DENND4B: variants seen among roughly 807,000 people sequenced by gnomAD.
DENND4B encodes DENN domain containing 4B.
DENND4B carries 67 observed loss-of-function variants against 161.0 expected under a neutral mutation model. The observed-to-expected ratio is 0.42, with a 90% CI of 0.34 to 0.51. The LOEUF is 0.51. Ranked by LOEUF, DENND4B falls within the 20% of genes least tolerant of loss-of-function variation. DENND4B has a pLI of 0.08. For missense variants in DENND4B, 1,481 were observed against 1,968.0 expected (o/e 0.75, Z 4.68); for synonymous variants, 753 against 813.8 (o/e 0.93, Z 1.27).
intron 13 of DENND4B, among the ~76,000 whole-genome samples, chr1:153,938,390 CAG>C (rs1216000784): frequency 7.2e-6 from 1 of 138,456 alleles, no homozygotes; most frequent in African/African-American, 2.8e-5. Context: ...GCCTGGGAGA[CAG>C]AGCAAAACTA....
intron 1 of DENND4B, among the ~76,000 whole-genome samples, chr1:153,945,962 G>A (rs984215319): frequency 2.0e-5 from 3 of 152,206 alleles, no homozygotes; most frequent in African/African-American, 4.8e-5. Flanking sequence ...GCGCCGAGGG[G>A]GAGGAGGCTG....
rs1679859859 is a variant in DENND4B at position 153,944,451 on chromosome 1, G to A, written c.-23-54C>T. 6.8e-7 allele frequency: 1 copy of A among 1,474,164 alleles called. No homozygotes were observed. The highest frequency in any genetic ancestry group is 9.0e-7 in the Non-Finnish European group (1 of 1,105,214). The allele number at this position is 1,474,164 out of a possible 1,614,324, so 91.3% of individuals were successfully genotyped here. On this transcript the variant is annotated intron_variant, in intron 1 of 27. Transcript: ENST00000361217. The surrounding 1 kb of genome is among the most constrained non-coding windows in gnomAD (Gnocchi z 4.8). ...AGCAAGGAAGGCTGGGGATGCCATG[G>A]CAACCAGGGTACCCTCTTGCTCCCC...
chr1:153,934,067 C>A lies in DENND4B; in HGVS notation c.2941+68G>T. The A allele has an allele frequency of 6.8e-7, 1 of 1,479,290 alleles. No homozygotes were observed. Among genetic ancestry groups the A allele is most frequent in the East Asian group, 2.5e-5 (1 of 40,720 alleles). 91.6% of individuals were successfully genotyped at this position (1,479,290 alleles called of 1,614,324 possible). A position where few individuals can be genotyped will look rare whatever the true frequency, so the allele number is the denominator to read the frequency against. ...GCCCTCCACTCTGTTTCTGGTCTTCCCCACCTCACTAGCAAGTGGTTAGGA... is the reference window on the plus strand; with the variant it reads ...GCCCTCCACTCTGTTTCTGGTCTTCACCACCTCACTAGCAAGTGGTTAGGA... On this transcript the variant is annotated intron_variant, in intron 19 of 27. Transcript: ENST00000361217. This position sits in a 1 kb window ranked among gnomAD's most constrained non-coding sequence, Gnocchi z 5.3.
At chr1:153,943,421 T>C (rs1470433320) in intron 2 of DENND4B, among the ~76,000 whole-genome samples, 1 of 152,188 alleles carries the variant, frequency 6.6e-6, no homozygotes, top group African/African-American at 2.4e-5. Context: ...CTCATGCCTA[T>C]AATCCCAGCA....
rs1411563021 is a variant in DENND4B at position 153,942,364 on chromosome 1, C to T, written c.641-8G>A. The T allele has an allele frequency of 1.2e-6, 2 of 1,608,448 alleles. No individual in the cohort carries two copies. Among genetic ancestry groups the T allele is most frequent in the African/African-American group, 2.7e-5 (2 of 74,806 alleles). On this transcript the variant is annotated splice_polypyrimidine_tract_variant and splice_region_variant and intron_variant, in intron 4 of 27. Coordinates refer to ENST00000361217, the MANE Select transcript of DENND4B (RefSeq NM_014856.3). This position sits in a 1 kb window ranked among gnomAD's most constrained non-coding sequence, Gnocchi z 6.9. ...GGTAGCGGCCCAGCAGCTCTGCACC[C>T]CCAGCATAGTTGGGGGTACCCAAAA...
Position 153,936,844 on chromosome 1 carries a change from C to G in DENND4B, c.2233-96G>C. 7.8e-7 allele frequency: 1 copy of G among 1,287,548 alleles called. No individual in the cohort carries two copies. Among genetic ancestry groups the G allele is most frequent in the East Asian group, 2.7e-5 (1 of 36,962 alleles). The allele number at this position is 1,287,548 out of a possible 1,614,324, so 79.8% of individuals were successfully genotyped here. ...TATTTATGACGGTCTCGCTCTGTCA[C>G]CCAGGCTGGAGTGCAGTGGCGCAAT... On this transcript the variant is annotated intron_variant, in intron 15 of 27. Transcript: ENST00000361217. The surrounding 1 kb of genome is among the most constrained non-coding windows in gnomAD (Gnocchi z 4.1).
In DENND4B at chr1:153,932,415, C is replaced by T. The variant is rs201037983; in HGVS notation, c.3785G>A (p.Gly1262Glu). The T allele has an allele frequency of 2.5e-5, 41 of 1,611,786 alleles. No homozygotes were observed. The highest frequency in any genetic ancestry group is 3.4e-5 in the Non-Finnish European group (40 of 1,179,060). ...MGGASRRVES[G>E]AWAYLSPLVL... ...CAGGGGGCTCAGGTATGCCCATGCC[C>T]CACTCTCAACCCGCCGGGAGGCTCC... The change falls in exon 24 of 28, where the codon GGG becomes GAG. Residue 1262 changes from glycine (G) to glutamate (E), a missense_variant. Physicochemically the swap from Gly to Glu is moderately conservative, Grantham distance 98. Coordinates refer to ENST00000361217, the MANE Select transcript of DENND4B (RefSeq NM_014856.3). This position sits in a 1 kb window ranked among gnomAD's most constrained non-coding sequence, Gnocchi z 5.8.
At chr1:153,941,311 G>A (rs753224510) in intron 7 of DENND4B, 22 bp from the exon 8 acceptor site, 41 of 1,613,668 alleles carry the variant, frequency 2.5e-5, no homozygotes, top group South Asian at 1.5e-4. Flanking sequence ...GAAGAGCCAC[G>A]GCTCAGGGTA....
rs1553203539 is a variant in DENND4B, at chr1:153,934,830, TTGC to T, written c.2700_2702del (p.Gln910del). 4.7e-6 allele frequency: 6 copies of T among 1,284,444 alleles called. No individual in the cohort carries two copies. Among genetic ancestry groups the T allele is most frequent in the Non-Finnish European group, 1.1e-6 (1 of 914,050 alleles). The allele number at this position is 1,284,444 out of a possible 1,614,324, so 79.6% of individuals were successfully genotyped here. A position where few individuals can be genotyped will look rare whatever the true frequency, so the allele number is the denominator to read the frequency against. On this transcript the variant is annotated inframe_deletion, in exon 18 of 28. Coordinates refer to ENST00000361217, the MANE Select transcript of DENND4B (RefSeq NM_014856.3). This position sits in a 1 kb window ranked among gnomAD's most constrained non-coding sequence, Gnocchi z 5.3. ...GCTGCTGCTGCTGCTGCTGCTGCTGTTGCTGCTGCTGCTGCTGTTGCCGTTCTC... is the reference window on the plus strand; with the variant it reads ...GCTGCTGCTGCTGCTGCTGCTGCTGTTGCTGCTGCTGCTGTTGCCGTTCTC...
chr1:153,946,274 G>T lies in DENND4B; in HGVS notation c.-24+27C>A. The T allele has an allele frequency of 2.9e-6, 1 of 342,654 alleles. No homozygotes were observed. The highest frequency in any genetic ancestry group is 1.4e-4 in the South Asian group (1 of 7,178). 21.2% of individuals were successfully genotyped at this position (342,654 alleles called of 1,614,324 possible). ...TCCCTCCTGCCCGTCCCCGCCTGCCGCCCAGCCCGGTCCAGCCCCTACCTG... is the reference window on the plus strand; with the variant it reads ...TCCCTCCTGCCCGTCCCCGCCTGCCTCCCAGCCCGGTCCAGCCCCTACCTG... On this transcript the variant is annotated intron_variant, in intron 1 of 27. Coordinates refer to ENST00000361217, the MANE Select transcript of DENND4B (RefSeq NM_014856.3). This position sits in a 1 kb window ranked among gnomAD's most constrained non-coding sequence, Gnocchi z 6.3.
In DENND4B at chr1:153,932,213, C is replaced by T. The variant is rs368505072; in HGVS notation, c.3987G>A (p.Ser1329=). 170 of 1,613,268 alleles carry T rather than the reference C, an allele frequency of 1.1e-4. 1 individual carries two copies. Among genetic ancestry groups the T allele is most frequent in the African/African-American group, 2.7e-4 (20 of 74,902 alleles). The change falls in exon 24 of 28, where the codon TCG becomes TCA. Residue 1329 remains serine (S), a synonymous_variant. Coordinates refer to ENST00000361217, the MANE Select transcript of DENND4B (RefSeq NM_014856.3). This position sits in a 1 kb window ranked among gnomAD's most constrained non-coding sequence, Gnocchi z 5.8. The part of the protein sequence containing the change: ...GLVLASCDGP[S]HSQAPSPWLT... ...ACATGGGGGCACTGACCTGGGAGTG[C>T]GAAGGCCCATCACAGGAGGCCAGCA...
rs761829135 is a variant in DENND4B at position 153,940,565 on chromosome 1, C to A, written c.1368G>T (p.Leu456=). 2 of 1,613,406 alleles carry A rather than the reference C, an allele frequency of 1.2e-6. No homozygotes were observed. The highest frequency in any genetic ancestry group is 2.2e-5 in the South Asian group (2 of 90,962). The change falls in exon 10 of 28, where the codon CTG becomes CTT. Residue 456 remains leucine, a synonymous_variant. Coordinates refer to ENST00000361217, the MANE Select transcript of DENND4B (RefSeq NM_014856.3). The surrounding 1 kb of genome is among the most constrained non-coding windows in gnomAD (Gnocchi z 5.6). The part of the protein sequence containing the change: ...PLHWQCPYIP[L]CPLVLADVLS... ...GCACATCTGCCAGCACCAGCGGGCA[C>A]AGAGGAATGTAGGGGCACTGCCAGT...
In DENND4B at chr1:153,936,612, A is replaced by C. The variant is rs762301962; in HGVS notation, c.2369T>G (p.Val790Gly). The change falls in exon 16 of 28, where the codon GTG (valine) becomes GGG (glycine). Residue 790 changes from valine (V) to glycine (G), a missense_variant. This residue lies in a region of DENND4B where 806 missense variants were observed against 1,134.4 expected (regional missense o/e 0.71). Coordinates refer to ENST00000361217, the MANE Select transcript of DENND4B (RefSeq NM_014856.3). The surrounding 1 kb of genome is among the most constrained non-coding windows in gnomAD (Gnocchi z 4.1). ...ATGGTAGGCTGTGTGCAGTGCCTGCACTCGGGAGGGTGCCGACCGCACATA... is the reference window on the plus strand; with the variant it reads ...ATGGTAGGCTGTGTGCAGTGCCTGCCCTCGGGAGGGTGCCGACCGCACATA... Reference protein sequence around the residue: ...PAYVRSAPSRVQALHTAYHVL... With the variant: ...PAYVRSAPSRGQALHTAYHVL... 3 of 1,612,870 alleles carry C rather than the reference A, an allele frequency of 1.9e-6. No homozygotes were observed. In the East Asian group the frequency reaches 6.7e-5, roughly 36 times the overall value.
Position 153,932,434 on chromosome 1 carries a change from A to T in DENND4B, c.3766T>A (p.Ser1256Thr). ...QLCNGHMGGA[S>T]RRVESGAWAY... ...CATGCCCCACTCTCAACCCGCCGGG[A>T]GGCTCCCTATCAGGCACAAAGGGGG... is the stretch of plus-strand genomic sequence containing the variant. The change falls in exon 24 of 28, where the codon TCC becomes ACC. Residue 1256 changes from serine to threonine, a missense_variant. Transcript: ENST00000361217. This position sits in a 1 kb window ranked among gnomAD's most constrained non-coding sequence, Gnocchi z 5.8. 6.2e-7 allele frequency: 1 copy of T among 1,607,504 alleles called. No homozygotes were observed. The highest frequency in any genetic ancestry group is 8.5e-7 in the Non-Finnish European group (1 of 1,177,074).
Position 153,930,519 on chromosome 1 carries a change from C to T in DENND4B, c.4345+20G>A. 1.2e-6 allele frequency: 2 copies of T among 1,614,044 alleles called. No individual in the cohort carries two copies. The highest frequency in any genetic ancestry group is 1.7e-4 in the Middle Eastern group (1 of 6,060). On this transcript the variant is annotated intron_variant, in intron 27 of 27. Transcript: ENST00000361217. The surrounding 1 kb of genome is among the most constrained non-coding windows in gnomAD (Gnocchi z 4.7). ...GGCCCCAGATCCCTAAACTCCTCAG[C>T]CCCTTGCCTGCAATCTCACCTATGT...
Position 153,933,889 on chromosome 1 carries a change from A to T in DENND4B, c.2942-18T>A. On this transcript the variant is annotated intron_variant, in intron 19 of 27. Coordinates refer to ENST00000361217, the MANE Select transcript of DENND4B (RefSeq NM_014856.3). This position sits in a 1 kb window ranked among gnomAD's most constrained non-coding sequence, Gnocchi z 5.7. ...CTCTATCACTGCAGCACAGAAAAGA[A>T]TGAGGGAAGATGGACCCCAGCCTCT... 6.3e-7 allele frequency: 1 copy of T among 1,597,880 alleles called. No individual in the cohort carries two copies. Among genetic ancestry groups the T allele is most frequent in the Non-Finnish European group, 8.5e-7 (1 of 1,175,806 alleles).
At chr1:153,945,516 T>C (rs1484133082) in intron 1 of DENND4B, among the ~76,000 whole-genome samples, 1 of 151,734 alleles carries the variant, frequency 6.6e-6, no homozygotes, top group Non-Finnish European at 1.5e-5. Flanking sequence ...AGGAATCTCA[T>C]AGAGCCAGGC....
At chr1:153,931,454 G>A (rs1678919583) in intron 24 of DENND4B, among the ~76,000 whole-genome samples, 1 of 151,816 alleles carries the variant, frequency 6.6e-6, no homozygotes, top group Admixed American at 6.6e-5. Context: ...AAACGGCAAG[G>A]ATCCGAACCA....
Position 153,946,356 on chromosome 1 carries a change from T to TGGCGGGCC in DENND4B, c.-87_-80dup. 2.7e-6 allele frequency: 1 copy of TGGCGGGCC among 374,728 alleles called. No individual in the cohort carries two copies. 23.2% of individuals were successfully genotyped at this position (374,728 alleles called of 1,614,324 possible). On this transcript the variant is annotated 5_prime_UTR_variant, in exon 1 of 28. Coordinates refer to ENST00000361217, the MANE Select transcript of DENND4B (RefSeq NM_014856.3). This position sits in a 1 kb window ranked among gnomAD's most constrained non-coding sequence, Gnocchi z 6.3. ...CTGGCGGGTGGCTCGGAGGGCGAGC[T>TGGCGGGCC]GGCGGGCCGGCGGGCGGCGGGGCTA...
Sources: gnomAD v4.1 joint callset for allele counts (sites outside exome capture counted in the v4.1 genomes callset) on GRCh38, gnomAD v4.1.1 for gene constraint, gnomAD v4.1.1 regional missense constraint, Gnocchi (gnomAD v3.1) non-coding constraint, MANE v1.5 for transcripts, NCBI Gene and HGNC (gene_info 2026-07-23, HGNC 2026-07-21) for gene names.